TGIF1: variants seen among roughly 807,000 people sequenced by gnomAD.
TGIF1 encodes TGFB induced factor homeobox 1.
Under a neutral mutation model 19.3 loss-of-function variants are expected in TGIF1, and 4 were observed. The observed-to-expected ratio is 0.21, with a 90% CI of 0.10 to 0.47. The LOEUF is 0.47. Among genes scored for constraint, TGIF1 ranks in the 20% least tolerant of loss-of-function variants. The probability of loss-of-function intolerance (pLI) is 0.98; values close to 1 mark genes in which losing one functional copy is unlikely to be tolerated. For synonymous variants in TGIF1, 122 were observed against 129.3 expected, an observed-to-expected ratio of 0.94 and a Z score of 0.38; for missense variants, 275 against 341.4, an observed-to-expected ratio of 0.81 and a Z score of 1.53.
intron 1 of TGIF1, among the ~76,000 whole-genome samples, chr18:3,450,934 C>T (rs238534): frequency 0.078 from 11,786 of 151,918 alleles, 683 homozygotes; most frequent in African/African-American, 0.16. Flanking sequence ...GGGACCGCCG[C>T]GGCTTTGTCT....
chr18:3,444,016 C>T (rs988258575), intron 2 of TGIF1, among the ~76,000 whole-genome samples: 2 of 150,912 alleles, frequency 1.3e-5, no homozygotes, highest in African/African-American at 4.9e-5. Context: ...CTCACTGCAA[C>T]CTCCACCTCC....
At chr18:3,429,231 A>G (rs537987536) in intron 2 of TGIF1, among the ~76,000 whole-genome samples, 2 of 149,772 alleles carry the variant, frequency 1.3e-5, no homozygotes, top group South Asian at 2.1e-4. Flanking sequence ...TAATTTTGTA[A>G]TTTTTTTTTT....
intron 1 of TGIF1, among the ~76,000 whole-genome samples, chr18:3,416,953 A>G (rs1006621031): frequency 1.3e-5 from 2 of 152,080 alleles, no homozygotes; most frequent in African/African-American, 4.8e-5. Context: ...ACAACAAAAA[A>G]AAGATTTATA....
At chr18:3,426,242 C>G (rs1448418808) in intron 2 of TGIF1, among the ~76,000 whole-genome samples, 1 of 146,134 alleles carries the variant, frequency 6.8e-6, no homozygotes, top group East Asian at 2.0e-4. Context: ...AATCTTGGCT[C>G]ACTGCAACGT....
At chr18:3,445,755 A>AAAG (rs2082735458), upstream of TGIF1, among the ~76,000 whole-genome samples, 1 of 56,784 alleles carries the variant, frequency 1.8e-5, no homozygotes. Flanking sequence ...AAAAAAAAAG[A>AAAG]GAAGAAAAGC....
chr18:3,447,863 TC>T (rs1022709176), upstream of TGIF1: 22 of 1,577,212 alleles, frequency 1.4e-5, no homozygotes, highest in East Asian at 3.4e-4. Flanking sequence ...TCTCCGCCCC[TC>T]CCCCCTTCTC....
chr18:3,425,920 A>G (rs914393632), intron 2 of TGIF1, among the ~76,000 whole-genome samples: 1 of 151,904 alleles, frequency 6.6e-6, no homozygotes, highest in Admixed American at 6.6e-5. Flanking sequence ...TGCGGAATTG[A>G]TTGCTTGCTT....
intron 2 of TGIF1, among the ~76,000 whole-genome samples, chr18:3,424,222 A>G (rs1227185337): frequency 2.0e-5 from 3 of 151,980 alleles, no homozygotes; most frequent in African/African-American, 7.3e-5. Context: ...CAGTAATAAT[A>G]TCAGCAAAGT....
At chr18:3,414,949 T>C (rs553961954) in intron 1 of TGIF1, among the ~76,000 whole-genome samples, 45 of 152,230 alleles carry the variant, frequency 3.0e-4, no homozygotes, top group Middle Eastern at 3.2e-3. Flanking sequence ...GAGAAAGTGA[T>C]ACTTTTCTAC....
intron 2 of TGIF1, among the ~76,000 whole-genome samples, chr18:3,423,173 G>GC (rs1357124629): frequency 1.3e-5 from 2 of 152,056 alleles, no homozygotes; most frequent in Non-Finnish European, 2.9e-5. Context: ...CTGAGTACAC[G>GC]CCTAACACCT....
chr18:3,456,192 CT>C lies in TGIF1; in HGVS notation c.17-158del, dbSNP rs572797282. 48 of 791,538 alleles carry C rather than the reference CT, an allele frequency of 6.1e-5. No individual in the cohort carries two copies. In the East Asian group the frequency reaches 1.0e-3, roughly 16 times the overall value. 49.0% of individuals were successfully genotyped at this position (791,538 alleles called of 1,614,324 possible). ...CTCCTATGTGGTGCTAGTCAAACTA[CT>C]TTTACTTGGACCCTGAATTCAGGAC... On this transcript the variant is annotated intron_variant, in intron 1 of 2. Coordinates refer to ENST00000343820, the MANE Select transcript of TGIF1 (RefSeq NM_003244.4). This position sits in a 1 kb window ranked among gnomAD's most constrained non-coding sequence, Gnocchi z 4.2.
intron 2 of TGIF1, among the ~76,000 whole-genome samples, chr18:3,426,916 C>CTTTTTTTTTT (rs545236407): frequency 1.0e-5 from 1 of 100,088 alleles, no homozygotes; most frequent in Non-Finnish European, 2.0e-5. Context: ...AGGATGATCT[C>CTTTTTTTTTT]TTTTTTTTTT....
At position 3,457,887 on chromosome 18, in the gene TGIF1, G is replaced by A; in HGVS notation, c.766G>A (p.Val256Ile). The A allele has an allele frequency of 6.2e-7, 1 of 1,603,938 alleles. No homozygotes were observed. The highest frequency in any genetic ancestry group is 8.5e-7 in the Non-Finnish European group (1 of 1,179,982). The change falls in exon 3 of 3, where the codon GTT becomes ATT. Residue 256 changes from valine to isoleucine, a missense_variant. Coordinates refer to ENST00000343820, the MANE Select transcript of TGIF1 (RefSeq NM_003244.4). The surrounding 1 kb of genome is among the most constrained non-coding windows in gnomAD (Gnocchi z 4.9). The part of the protein sequence containing the change: ...DFSGFQLLVD[V>I]ALKRAAEMEL... ...CAGTGGATTTCAGCTTCTAGTGGAT[G>A]TTGCACTCAAACGGGCTGCAGAGAT... is the stretch of plus-strand genomic sequence containing the variant.
Position 3,451,697 on chromosome 18 carries a change from G to T in TGIF1, c.16+1192G>T, listed in dbSNP as rs2082941773. 3 of 1,211,246 alleles carry T rather than the reference G, an allele frequency of 2.5e-6. No individual in the cohort carries two copies. Among genetic ancestry groups the T allele is most frequent in the Non-Finnish European group, 3.1e-6 (3 of 974,484 alleles). The allele number at this position is 1,211,246 out of a possible 1,614,324, so 75.0% of individuals were successfully genotyped here. ...TCTGTGGGAGGCCCTGAAACGCGCG[G>T]AGCTTCCCTCTGCCTCCAGGCTTTC... On this transcript the variant is annotated intron_variant, in intron 1 of 2. Coordinates refer to ENST00000343820, the MANE Select transcript of TGIF1 (RefSeq NM_003244.4). This position sits in a 1 kb window ranked among gnomAD's most constrained non-coding sequence, Gnocchi z 5.4.
upstream of TGIF1, among the ~76,000 whole-genome samples, chr18:3,446,190 GTTTTTGT>G (rs781535199): frequency 6.6e-6 from 1 of 151,878 alleles, no homozygotes; most frequent in Non-Finnish European, 1.5e-5. Context: ...CCGTTTTTTT[GTTTTTGT>G]TTTTGAGACA....
At chr18:3,415,833 C>T (rs12457997) in intron 1 of TGIF1, among the ~76,000 whole-genome samples, 87,022 of 151,952 alleles carry the variant, frequency 0.57, 26,908 homozygotes, top group East Asian at 0.69. Context: ...ACCCGGTAGA[C>T]ACTACAGAGA....
chr18:3,432,143 A>AAC (rs1555647114), intron 2 of TGIF1, among the ~76,000 whole-genome samples: 218 of 130,166 alleles, frequency 1.7e-3, no homozygotes, highest in African/African-American at 5.1e-3. Context: ...AAAAAAAAAA[A>AAC]ACACTAAGAA....
chr18:3,433,204 G>T (rs985456676), intron 2 of TGIF1, among the ~76,000 whole-genome samples: 5 of 151,732 alleles, frequency 3.3e-5, no homozygotes, highest in Admixed American at 6.6e-5. Context: ...CTCCCAAGTA[G>T]CTAGGATTAC....
chr18:3,452,560 G>A (rs147947207), intron 1 of TGIF1, among the ~76,000 whole-genome samples: 292 of 152,252 alleles, frequency 1.9e-3, no homozygotes, highest in African/African-American at 6.7e-3. Flanking sequence ...GGGTCCTGGA[G>A]TTCCTTTGCT....
Sources: allele counts gnomAD v4.1 joint callset (sites outside exome capture counted in the v4.1 genomes callset), GRCh38; gene constraint gnomAD v4.1.1; non-coding constraint Gnocchi (gnomAD v3.1); transcripts MANE v1.5; gene names NCBI Gene and HGNC (gene_info 2026-07-23, HGNC 2026-07-21).